TRPC5: variants seen among roughly 807,000 people sequenced by gnomAD.
TRPC5 encodes the protein transient receptor potential cation channel subfamily C member 5, also known as short transient receptor potential channel 5.
A neutral mutation model predicts 56.5 loss-of-function variants in TRPC5; 9 were observed. The observed-to-expected ratio is 0.16, with a 90% CI of 0.10 to 0.28. TRPC5 has a LOEUF of 0.28. Ranked by LOEUF, TRPC5 falls within the 10% of genes least tolerant of loss-of-function variation. The probability of loss-of-function intolerance (pLI) is 1.00; values close to 1 mark genes in which losing one functional copy is unlikely to be tolerated. For synonymous variants in TRPC5, 282 were observed against 278.5 expected, an observed-to-expected ratio of 1.01 and a Z score of -0.13; for missense variants, 469 against 748.9, an observed-to-expected ratio of 0.63 and a Z score of 4.36.
At chrX:111,781,564 A>G (rs1459050126) in intron 8 of TRPC5, among the ~76,000 whole-genome samples, 2 of 111,743 alleles carry the variant, frequency 1.8e-5, no homozygotes, top group Non-Finnish European at 3.8e-5. Context: ...TCTCTACTAA[A>G]AATACAAAAA....
At chrX:111,990,932 C>T (rs913004247) in intron 1 of TRPC5, among the ~76,000 whole-genome samples, 2 of 112,561 alleles carry the variant, frequency 1.8e-5, no homozygotes, top group East Asian at 2.8e-4. Flanking sequence ...GTAGAAACTG[C>T]TCTAAGCAGA....
intron 1 of TRPC5, among the ~76,000 whole-genome samples, chrX:111,991,117 G>T (rs1047055583): frequency 9.0e-6 from 1 of 111,513 alleles, no homozygotes; most frequent in Non-Finnish European, 1.9e-5. Flanking sequence ...ATCTCTTCTA[G>T]GTCAGCAATG....
intron 7 of TRPC5, among the ~76,000 whole-genome samples, chrX:111,809,971 C>G (rs954912307): frequency 9.2e-6 from 1 of 109,006 alleles, no homozygotes; most frequent in Non-Finnish European, 1.9e-5. Context: ...CTGGAGAGCA[C>G]TGGCGTGATT....
At chrX:112,002,503 C>CT (rs1416732740) in intron 1 of TRPC5, among the ~76,000 whole-genome samples, 1 of 111,908 alleles carries the variant, frequency 8.9e-6, no homozygotes, top group East Asian at 2.8e-4. Context: ...CCTGCTCTTT[C>CT]TTTTTCTCGT....
chrX:111,837,504 C>T (rs1271377632), intron 6 of TRPC5, among the ~76,000 whole-genome samples: 1 of 111,509 alleles, frequency 9.0e-6, no homozygotes, highest in African/African-American at 3.3e-5. Context: ...GAACCAGAGT[C>T]CCTGGAAGCT....
intron 2 of TRPC5, chrX:111,930,595 T>C (rs1360667955): frequency 1.8e-5 from 2 of 110,773 alleles, no homozygotes; most frequent in East Asian, 2.8e-4. Flanking sequence ...AGGGAGAATA[T>C]GTCTTTAAAA....
chrX:111,894,449 GGCCTCT>G (rs1924960800), intron 3 of TRPC5, among the ~76,000 whole-genome samples: 1 of 111,855 alleles, frequency 8.9e-6, no homozygotes, highest in Non-Finnish European at 1.9e-5. Context: ...TGGATAGTAT[GGCCTCT>G]GCCTCAGGGG....
rs1271722455 is a variant in TRPC5, at chrX:112,018,541, G to T, written c.-22+63338C>A. On this transcript the variant is annotated intron_variant, in intron 1 of 10. Coordinates refer to ENST00000262839, the MANE Select transcript of TRPC5 (RefSeq NM_012471.3). The stretch of plus-strand genomic sequence containing the variant: ...TCATGTCTTTTCAGAGAAGAGATGT[G>T]AAGAAGAATAAATAATTCCCAAGCT... 2.7e-5 allele frequency among the ~76,000 whole-genome samples: 3 copies of T among 112,297 alleles called. No homozygotes were observed. In the Admixed American group the frequency reaches 2.8e-4, roughly 11 times the overall value.
intron 2 of TRPC5, among the ~76,000 whole-genome samples, chrX:111,932,588 C>A (rs976144961): frequency 9.0e-6 from 1 of 111,109 alleles, no homozygotes; most frequent in Admixed American, 9.5e-5. Context: ...CCTTTCCTTT[C>A]ACCATACTCT....
chrX:111,959,430 G>A (rs1603117808), intron 1 of TRPC5, among the ~76,000 whole-genome samples: 1 of 112,133 alleles, frequency 8.9e-6, no homozygotes, highest in Non-Finnish European at 1.9e-5. Context: ...AATAGGAAAT[G>A]AGAAGTGAAT....
intron 2 of TRPC5, among the ~76,000 whole-genome samples, chrX:111,915,690 C>T: frequency 8.9e-6 from 1 of 112,300 alleles, no homozygotes; most frequent in South Asian, 3.7e-4. Context: ...AGGTTATGAG[C>T]TCTTTGAAGG....
At position 111,891,130 on chromosome X, in the gene TRPC5, G is replaced by T. The variant is rs181839971; in HGVS notation, c.900+21161C>A. On this transcript the variant is annotated intron_variant, in intron 3 of 10. Transcript: ENST00000262839. ...CAATCTACCATTGATGGGCATTTAG[G>T]TTGATTCCATGTCTTTGCTATTGTG... Among the ~76,000 whole-genome samples the T allele has an allele frequency of 3.6e-3, 407 of 112,061 alleles. 2 individuals are homozygous for T. Among genetic ancestry groups the T allele is most frequent in the Non-Finnish European group, 6.8e-3 (360 of 53,213 alleles).
At chrX:111,968,003 CA>C (rs1478612163) in intron 1 of TRPC5, among the ~76,000 whole-genome samples, 2 of 110,798 alleles carry the variant, frequency 1.8e-5, no homozygotes, top group Non-Finnish European at 3.8e-5. Context: ...AGCTTCTGCA[CA>C]GCAAAAGAAA....
chrX:111,783,145 A>G (rs1023298078), intron 7 of TRPC5, among the ~76,000 whole-genome samples: 15 of 112,346 alleles, frequency 1.3e-4, no homozygotes, highest in Non-Finnish European at 2.4e-4. Context: ...AGCCCATTCA[A>G]TCACATTGCT....
At chrX:111,964,780 A>G (rs1603120725) in intron 1 of TRPC5, among the ~76,000 whole-genome samples, 1 of 111,346 alleles carries the variant, frequency 9.0e-6, no homozygotes. Context: ...ATGCTGAGAG[A>G]TTTTGTCACC....
chrX:111,789,335 A>T (rs989862659), intron 7 of TRPC5, among the ~76,000 whole-genome samples: 1 of 112,053 alleles, frequency 8.9e-6, no homozygotes, highest in Non-Finnish European at 1.9e-5. Context: ...TATTTAATAA[A>T]TGGTACTGGG....
intron 3 of TRPC5, among the ~76,000 whole-genome samples, chrX:111,908,083 C>G (rs1278759167): frequency 9.0e-6 from 1 of 111,651 alleles, no homozygotes; most frequent in African/African-American, 3.3e-5. Context: ...CAGCCTTAAA[C>G]CAGACATGTG....
intron 3 of TRPC5, among the ~76,000 whole-genome samples, chrX:111,908,923 G>A (rs1365297507): frequency 9.1e-6 from 1 of 110,140 alleles, no homozygotes; most frequent in Non-Finnish European, 1.9e-5. Context: ...GATCACCTGA[G>A]GCCAGGAGTT....
chrX:111,945,388 T>C (rs1926906473), intron 2 of TRPC5, among the ~76,000 whole-genome samples: 1 of 109,690 alleles, frequency 9.1e-6, no homozygotes, highest in African/African-American at 3.3e-5. Context: ...AATCTACCCC[T>C]AAGTAAACAG....
Sources: gnomAD v4.1 joint callset for allele counts (sites outside exome capture counted in the v4.1 genomes callset) on GRCh38, gnomAD v4.1.1 for gene constraint, MANE v1.5 for transcripts, NCBI Gene and HGNC (gene_info 2026-07-23, HGNC 2026-07-21) for gene names.